Variants in MCUB observed in about 807,000 individuals in gnomAD.
MCUB encodes mitochondrial calcium uniporter dominant negative subunit beta, also known as calcium uniporter regulatory subunit MCUb, mitochondrial.
MCUB carries 46 observed loss-of-function variants against 41.4 expected under a neutral mutation model. The ratio of observed to expected loss-of-function variants is 1.11; its 90% CI spans 0.88 to 1.42. MCUB has a LOEUF of 1.42. Ranked by LOEUF, MCUB falls within the 40% of genes most tolerant of loss-of-function variation. The pLI is 0.00. For missense variants in MCUB, 403 were observed against 404.9 expected (o/e 1.00, Z 0.04); for synonymous variants, 148 against 148.2 (o/e 1.00, Z 0.01).
intron 1 of MCUB, among the ~76,000 whole-genome samples, chr4:109,612,420 T>G (rs1046654236): frequency 6.6e-6 from 1 of 152,004 alleles, no homozygotes; most frequent in Admixed American, 6.6e-5. Flanking sequence ...GCACCTGCCA[T>G]CATGCCCGGC....
At chr4:109,665,635 G>C (rs1265003748) in intron 4 of MCUB, among the ~76,000 whole-genome samples, 2 of 151,982 alleles carry the variant, frequency 1.3e-5, no homozygotes, top group Non-Finnish European at 2.9e-5. Flanking sequence ...CTGTGTAAAT[G>C]GTTGTTATAC....
intron 1 of MCUB, among the ~76,000 whole-genome samples, chr4:109,603,044 G>T (rs1727779012): frequency 6.6e-6 from 1 of 152,032 alleles, no homozygotes; most frequent in African/African-American, 2.4e-5. Context: ...TTTGTACTCT[G>T]CAACTTTATG....
chr4:109,632,857 C>T (rs4698771), intron 1 of MCUB, among the ~76,000 whole-genome samples: 83,975 of 151,838 alleles, frequency 0.55, 23,535 homozygotes, highest in East Asian at 0.72. Context: ...TCCAGTGATC[C>T]GCCTGCCTCG....
chr4:109,668,959 C>T (rs760826762), intron 4 of MCUB, among the ~76,000 whole-genome samples: 7 of 152,004 alleles, frequency 4.6e-5, no homozygotes, highest in East Asian at 3.9e-4. Context: ...CCTTGTCTCA[C>T]GGCTGTCATT....
intron 4 of MCUB, among the ~76,000 whole-genome samples, chr4:109,671,466 C>A (rs774546165): frequency 6.6e-6 from 1 of 152,118 alleles, no homozygotes; most frequent in Non-Finnish European, 1.5e-5. Flanking sequence ...TGTTGGCATA[C>A]CCCCAAGCTG....
rs199765786 is a variant in MCUB at position 109,631,235 on chromosome 4, C to G, written c.100-27776C>G. ...CAGTTCTGTTTGTTGTGATGTTTAA[C>G]ACCACACTACACACGGGCACTTGAT... On this transcript the variant is annotated intron_variant, in intron 1 of 7. Transcript: ENST00000394650. Among the ~76,000 whole-genome samples the G allele has an allele frequency of 9.8e-5, 15 of 152,290 alleles. No individual in the cohort carries two copies. The East Asian group carries it at 1.7e-3, about 18-fold the overall frequency.
intron 1 of MCUB, among the ~76,000 whole-genome samples, chr4:109,615,421 T>C (rs1193445643): frequency 3.3e-5 from 5 of 151,872 alleles, no homozygotes; most frequent in Non-Finnish European, 5.9e-5. Flanking sequence ...TTTTTTTTTT[T>C]TTGAGACGGA....
At chr4:109,613,861 T>C (rs1209922595) in intron 1 of MCUB, among the ~76,000 whole-genome samples, 1 of 152,132 alleles carries the variant, frequency 6.6e-6, no homozygotes. Context: ...CTCTCCATTT[T>C]CCCCCAAAGG....
At position 109,682,762 on chromosome 4, in the gene MCUB, G is replaced by A; in HGVS notation, c.612+20G>A. Reference sequence around the variant, plus strand: ...GAACAGGTTAGGAAGCATCACGGTTGAGTATATTTGAAAATAATACCTAGT... The same window carrying A: ...GAACAGGTTAGGAAGCATCACGGTTAAGTATATTTGAAAATAATACCTAGT... On this transcript the variant is annotated intron_variant, in intron 5 of 7. Transcript: ENST00000394650. The A allele has an allele frequency of 1.3e-6, 2 of 1,585,864 alleles. No homozygotes were observed. The highest frequency in any genetic ancestry group is 1.7e-6 in the Non-Finnish European group (2 of 1,166,422).
Position 109,619,022 on chromosome 4 carries a change from ACCTG to A in MCUB, c.100-39981_100-39978del, listed in dbSNP as rs70954173. ...AACCTACCTACCTACCTACCTATCT[ACCTG>A]CCTGCCTACCTACCTACCTACCTAC... is the stretch of plus-strand genomic sequence containing the variant. On this transcript the variant is annotated intron_variant, in intron 1 of 7. Coordinates refer to ENST00000394650, the MANE Select transcript of MCUB (RefSeq NM_017918.5). Among the ~76,000 whole-genome samples, 491 of 134,442 alleles carry A rather than the reference ACCTG, an allele frequency of 3.7e-3. 3 individuals carry two copies. Among genetic ancestry groups the A allele is most frequent in the African/African-American group, 4.9e-3 (173 of 35,242 alleles). 88.2% of individuals were successfully genotyped at this position (134,442 alleles called of 152,430 possible).
intron 5 of MCUB, 29 bp from the exon 6 acceptor site, chr4:109,684,414 A>C (rs1169345583): frequency 6.4e-7 from 1 of 1,550,902 alleles, no homozygotes. Flanking sequence ...ATTTGTAAAC[A>C]GAATTAACAG....
intron 1 of MCUB, among the ~76,000 whole-genome samples, chr4:109,568,796 TC>T (rs1726841541): frequency 6.6e-6 from 1 of 152,182 alleles, no homozygotes; most frequent in Non-Finnish European, 1.5e-5. Flanking sequence ...CCATCTGTGA[TC>T]CCCTCTGCCC....
chr4:109,583,505 CA>C (rs1242337199), intron 1 of MCUB, among the ~76,000 whole-genome samples: 5 of 152,288 alleles, frequency 3.3e-5, no homozygotes, highest in East Asian at 3.9e-4. Context: ...ATGTCATCTG[CA>C]GACAGGAACA....
chr4:109,598,582 C>G (rs911474547), intron 1 of MCUB, among the ~76,000 whole-genome samples: 1 of 151,858 alleles, frequency 6.6e-6, no homozygotes, highest in African/African-American at 2.4e-5. Context: ...AGAGGGAGAC[C>G]GTGGAAACAG....
In MCUB at chr4:109,649,603, T is replaced by C. The variant is rs150759826; in HGVS notation, c.100-9408T>C. On this transcript the variant is annotated intron_variant, in intron 1 of 7. Transcript: ENST00000394650. ...CGTCTATTAATTCACCTTATGTAAATTTAATTGCTTTCCTTTGTAGGCAAT... is the reference window on the plus strand; with the variant it reads ...CGTCTATTAATTCACCTTATGTAAACTTAATTGCTTTCCTTTGTAGGCAAT... Among the ~76,000 whole-genome samples the C allele has an allele frequency of 1.0e-3, 156 of 152,338 alleles. 1 individual carries two copies. The highest frequency in any genetic ancestry group is 3.6e-3 in the African/African-American group (151 of 41,576).
intron 7 of MCUB, among the ~76,000 whole-genome samples, chr4:109,686,787 G>A (rs958814534): frequency 6.6e-6 from 1 of 152,124 alleles, no homozygotes; most frequent in Non-Finnish European, 1.5e-5. Flanking sequence ...GAAGCAGGAA[G>A]ATCCCTTGAA....
intron 1 of MCUB, among the ~76,000 whole-genome samples, chr4:109,641,272 T>A (rs1473350023): frequency 6.6e-6 from 1 of 151,226 alleles, no homozygotes; most frequent in African/African-American, 2.4e-5. Flanking sequence ...TTTGTATTTT[T>A]TTTTTTTTTT....
chr4:109,591,808 C>T (rs887905584), intron 1 of MCUB, among the ~76,000 whole-genome samples: 36 of 151,998 alleles, frequency 2.4e-4, no homozygotes, highest in Admixed American at 2.6e-4. Flanking sequence ...AAGCAATTCT[C>T]CTGCCTCAGC....
At chr4:109,608,255 T>C (rs1201781700) in intron 1 of MCUB, among the ~76,000 whole-genome samples, 1 of 152,166 alleles carries the variant, frequency 6.6e-6, no homozygotes, top group African/African-American at 2.4e-5. Context: ...ATTTCAATCT[T>C]TTTGTTCAGT....
Sources: gnomAD v4.1 joint callset for allele counts (sites outside exome capture counted in the v4.1 genomes callset) on GRCh38, gnomAD v4.1.1 for gene constraint, MANE v1.5 for transcripts, NCBI Gene and HGNC (gene_info 2026-07-23, HGNC 2026-07-21) for gene names.